The following FRAS1 variants were observed in gnomAD, a reference collection of about 807,000 sequenced individuals.
The protein encoded by FRAS1 is extracellular matrix organizing protein FRAS1.
Under a neutral mutation model 435.2 loss-of-function variants are expected in FRAS1, and 290 were observed. The observed-to-expected ratio is 0.67, with a 90% CI of 0.61 to 0.73. FRAS1 has a LOEUF of 0.73. FRAS1 is among the 30% of genes least tolerant of loss of function. The pLI is 0.00. For missense variants in FRAS1, 4,860 were observed against 5,001.5 expected (o/e 0.97, Z 0.85); for synonymous variants, 1,800 against 1,851.0 (o/e 0.97, Z 0.71).
rs1423831657 is a variant in FRAS1, at chr4:78,105,920, G to A, written c.108+39904G>A. 3.1e-4 allele frequency among the ~76,000 whole-genome samples: 42 copies of A among 136,100 alleles called. 7 individuals carry two copies. The highest frequency in any genetic ancestry group is 3.8e-4 in the Admixed American group (5 of 13,172). The allele number at this position is 136,100 out of a possible 152,430, so 89.3% of individuals were successfully genotyped here. ...CGTGCGCGAGCCGAAGCAGGGCAAG[G>A]CATTGCCCCACTTGGGAAGCGCAAG... is the stretch of plus-strand genomic sequence containing the variant. On this transcript the variant is annotated intron_variant, in intron 2 of 73. Coordinates refer to ENST00000512123, the MANE Select transcript of FRAS1 (RefSeq NM_025074.7).
intron 47 of FRAS1, among the ~76,000 whole-genome samples, chr4:78,457,677 G>T (rs1337220824): frequency 1.3e-5 from 2 of 152,218 alleles, no homozygotes; most frequent in African/African-American, 4.8e-5. Context: ...GAGTCTAGAC[G>T]TCTTAAATCC....
intron 2 of FRAS1, among the ~76,000 whole-genome samples, chr4:78,086,181 T>C (rs1741153798): frequency 6.6e-6 from 1 of 152,114 alleles, no homozygotes; most frequent in South Asian, 2.1e-4. Context: ...GACTACTGGG[T>C]ACATAACGAA....
intron 66 of FRAS1, among the ~76,000 whole-genome samples, chr4:78,518,416 TG>T (rs200506875): frequency 0.16 from 19,974 of 127,414 alleles, 1,686 homozygotes; most frequent in Non-Finnish European, 0.21. Context: ...TAAGTTTTTT[TG>T]TTGTGTATAT....
chr4:78,091,616 C>T (rs985311473), intron 2 of FRAS1, among the ~76,000 whole-genome samples: 23 of 53,110 alleles, frequency 4.3e-4, no homozygotes, highest in African/African-American at 8.7e-4. Flanking sequence ...TACATACACA[C>T]GTGTGTTTGT....
intron 60 of FRAS1, among the ~76,000 whole-genome samples, chr4:78,498,770 C>T (rs1482302874): frequency 2.0e-5 from 3 of 151,932 alleles, no homozygotes; most frequent in African/African-American, 4.8e-5. Context: ...CTACCACCAC[C>T]CCACCCTTCC....
intron 4 of FRAS1, among the ~76,000 whole-genome samples, chr4:78,247,431 A>G (rs539432759): frequency 6.6e-6 from 1 of 152,318 alleles, no homozygotes; most frequent in African/African-American, 2.4e-5. Context: ...CTTCAAATAG[A>G]GCTAGAAGAT....
chr4:78,536,741 G>A (rs985775210), intron 71 of FRAS1, among the ~76,000 whole-genome samples: 3 of 152,012 alleles, frequency 2.0e-5, no homozygotes, highest in Non-Finnish European at 4.4e-5. Flanking sequence ...TCCCTTAAAT[G>A]CTTAATTAAT....
chr4:78,065,058 GTATATATA>G (rs34023994), intron 1 of FRAS1, among the ~76,000 whole-genome samples: 10 of 119,904 alleles, frequency 8.3e-5, no homozygotes, highest in South Asian at 2.8e-4. Flanking sequence ...GTTTTATAGT[GTATATATA>G]TATATATATA....
In FRAS1 at chr4:78,114,997, A is replaced by G. The variant is rs368150368; in HGVS notation, c.108+48981A>G. On this transcript the variant is annotated intron_variant, in intron 2 of 73. Transcript: ENST00000512123. ...TAGATGGCTCTTATTATTTTGAGATACGTCCCATCAATACCTAATTTATTG... is the reference window on the plus strand; with the variant it reads ...TAGATGGCTCTTATTATTTTGAGATGCGTCCCATCAATACCTAATTTATTG... Among the ~76,000 whole-genome samples the G allele has an allele frequency of 9.2e-5, 14 of 152,242 alleles. No individual in the cohort carries two copies. In the East Asian group the frequency reaches 2.5e-3, roughly 27 times the overall value.
intron 2 of FRAS1, among the ~76,000 whole-genome samples, chr4:78,093,753 G>C (rs962231179): frequency 1.3e-5 from 2 of 152,166 alleles, no homozygotes; most frequent in African/African-American, 4.8e-5. Flanking sequence ...ACATAGTTAT[G>C]AAGACAAAAT....
intron 14 of FRAS1, among the ~76,000 whole-genome samples, chr4:78,289,315 T>C (rs527638920): frequency 5.1e-4 from 78 of 151,714 alleles, no homozygotes; most frequent in African/African-American, 9.5e-4. Flanking sequence ...TGTGCATATG[T>C]TAATACTATT....
At chr4:78,336,573 G>A (rs1055135382) in intron 19 of FRAS1, among the ~76,000 whole-genome samples, 3 of 152,162 alleles carry the variant, frequency 2.0e-5, no homozygotes, top group Non-Finnish European at 4.4e-5. Flanking sequence ...AACATTGAGA[G>A]CCTCAGGAAT....
chr4:78,445,980 G>A (rs1718809770), intron 42 of FRAS1: 2 of 1,273,586 alleles, frequency 1.6e-6, no homozygotes, highest in Non-Finnish European at 9.9e-7. Flanking sequence ...GAGATGCTTT[G>A]CCAGTCTCAT....
chr4:78,485,544 A>G (rs868376110), intron 58 of FRAS1, among the ~76,000 whole-genome samples: 14 of 152,210 alleles, frequency 9.2e-5, no homozygotes, highest in African/African-American at 3.1e-4. Flanking sequence ...AACCTATTTC[A>G]GTAACTCAGC....
In FRAS1 at chr4:78,511,221, G is replaced by A. The variant is rs917796165; in HGVS notation, c.9781-53G>A. The A allele has an allele frequency of 3.7e-6, 5 of 1,363,820 alleles. No homozygotes were observed. In the East Asian group the frequency reaches 1.2e-4, roughly 32 times the overall value. The allele number at this position is 1,363,820 out of a possible 1,614,324, so 84.5% of individuals were successfully genotyped here. On this transcript the variant is annotated intron_variant, in intron 63 of 73. Transcript: ENST00000512123. ...GATTAACTTGAACCAGATCATGTAA[G>A]GAGCTGTTTAAGTAGGGTACTCACA... is the stretch of plus-strand genomic sequence containing the variant.
Position 78,064,009 on chromosome 4 carries a change from T to C in FRAS1, c.77-1976T>C, listed in dbSNP as rs1739875774. Among the ~76,000 whole-genome samples, 3 of 151,890 alleles carry C rather than the reference T, an allele frequency of 2.0e-5. No individual in the cohort carries two copies. In the South Asian group the frequency reaches 6.2e-4, roughly 32 times the overall value. On this transcript the variant is annotated intron_variant, in intron 1 of 73. Transcript: ENST00000512123. ...TGTTCATATGTATTTATTTGAGATA[T>C]ATAGAATTATTTTAGTACACACATC...
At chr4:78,131,834 A>G (rs1719697436) in intron 2 of FRAS1, among the ~76,000 whole-genome samples, 1 of 152,256 alleles carries the variant, frequency 6.6e-6, no homozygotes, top group African/African-American at 2.4e-5. Context: ...GTATCCTACA[A>G]GACTGGGAAA....
At chr4:78,069,393 G>T (rs1037002124) in intron 2 of FRAS1, among the ~76,000 whole-genome samples, 1 of 152,184 alleles carries the variant, frequency 6.6e-6, no homozygotes, top group African/African-American at 2.4e-5. Flanking sequence ...CTAACTCTCA[G>T]CCTGTCTTGT....
chr4:78,281,334 A>G, intron 10 of FRAS1, 64 bp from the exon 11 acceptor site: 1 of 1,136,712 alleles, frequency 8.8e-7, no homozygotes, highest in Non-Finnish European at 1.3e-6. Flanking sequence ...CTAATGAAAA[A>G]ATAAAATAAT....
Sources: allele counts gnomAD v4.1 joint callset (sites outside exome capture counted in the v4.1 genomes callset), GRCh38; gene constraint gnomAD v4.1.1; transcripts MANE v1.5; gene names NCBI Gene and HGNC (gene_info 2026-07-23, HGNC 2026-07-21).